CNKSR1: variants seen among roughly 807,000 people sequenced by gnomAD.
The protein encoded by CNKSR1 is connector enhancer of kinase suppressor of Ras 1.
A neutral mutation model predicts 95.6 loss-of-function variants in CNKSR1; 88 were observed. The ratio of observed to expected loss-of-function variants is 0.92; its 90% CI spans 0.78 to 1.10. The LOEUF is 1.10. Among genes scored for constraint, CNKSR1 ranks in the 50% least tolerant of loss-of-function variants. The probability of loss-of-function intolerance (pLI) is 0.00; values close to 1 mark genes in which losing one functional copy is unlikely to be tolerated. For synonymous variants in CNKSR1, 355 were observed against 369.7 expected, an observed-to-expected ratio of 0.96 and a Z score of 0.46; for missense variants, 836 against 912.0, an observed-to-expected ratio of 0.92 and a Z score of 1.07.
At chr1:26,187,804 G>A (rs939527558) in intron 16 of CNKSR1, among the ~76,000 whole-genome samples, 1 of 151,760 alleles carries the variant, frequency 6.6e-6, no homozygotes. Flanking sequence ...TGTATTTTTA[G>A]TAGAGAGGGG....
chr1:26,188,510 G>T lies in CNKSR1; in HGVS notation c.1590+7G>T, dbSNP rs368318144. 115 of 1,602,416 alleles carry T rather than the reference G, an allele frequency of 7.2e-5. No homozygotes were observed. In the African/African-American group the frequency reaches 8.5e-4, roughly 12 times the overall value. ...TGGGTCCCACTCAGCCTCGGTGAGT[G>T]GGGGGCTGCCGGGGGTAGGAGGTGG... On this transcript the variant is annotated splice_region_variant and intron_variant, in intron 18 of 20. Coordinates refer to ENST00000361530, the MANE Select transcript of CNKSR1 (RefSeq NM_006314.3).
chr1:26,179,544 AG>A (rs1313180491), intron 1 of CNKSR1, among the ~76,000 whole-genome samples: 3 of 152,198 alleles, frequency 2.0e-5, no homozygotes, highest in African/African-American at 7.2e-5. Flanking sequence ...CTAATCATAC[AG>A]GGCCTGTAGG....
Position 26,185,139 on chromosome 1 carries a change from T to C in CNKSR1, c.1261T>C (p.Trp421Arg). The C allele has an allele frequency of 1.3e-6, 2 of 1,575,472 alleles. No homozygotes were observed. The highest frequency in any genetic ancestry group is 4.7e-5 in the East Asian group (2 of 42,978). The change falls in exon 14 of 21, where the codon TGG becomes CGG. Residue 421 changes from tryptophan (W) to arginine (R), a missense_variant. Trp to Arg is a moderately radical substitution (Grantham distance 101). Transcript: ENST00000361530. ...CATGGGCCCGCGCTGGCGCCGCCGCTGGTTTGTGCTCAAGGGACACACGCT... is the reference window on the plus strand; with the variant it reads ...CATGGGCCCGCGCTGGCGCCGCCGCCGGTTTGTGCTCAAGGGACACACGCT... ...GFMGPRWRRR[W>R]FVLKGHTLYW...
rs773112396 is a variant in CNKSR1, at chr1:26,184,285, C to T, written c.998C>T (p.Thr333Ile). The change falls in exon 11 of 21, where the codon ACA becomes ATA. Residue 333 changes from threonine to isoleucine, a missense_variant and splice_region_variant. Coordinates refer to ENST00000361530, the MANE Select transcript of CNKSR1 (RefSeq NM_006314.3). ...NPSPGPSPAW[T>I]DSASLGPEPL... ...AGTCCCGGACCCAGCCCTGCCTGGA[C>T]AGGTAGTCTCAAAGCTCCATGGATG... 3.7e-6 allele frequency: 6 copies of T among 1,613,720 alleles called. No individual in the cohort carries two copies. Among genetic ancestry groups the T allele is most frequent in the Admixed American group, 3.3e-5 (2 of 60,000 alleles).
rs141954763 is a variant in CNKSR1, at chr1:26,185,840, C to T, written c.1308+654C>T. ...GCCACCACATCTGGCCGAAAAATCACGTCTATTCTGCCCACTTCTCCTTAT... is the reference window on the plus strand; with the variant it reads ...GCCACCACATCTGGCCGAAAAATCATGTCTATTCTGCCCACTTCTCCTTAT... On this transcript the variant is annotated intron_variant, in intron 14 of 20. Transcript: ENST00000361530. Among the ~76,000 whole-genome samples the T allele has an allele frequency of 2.0e-3, 298 of 152,296 alleles. 1 individual carries two copies. The highest frequency in any genetic ancestry group is 0.014 in the Middle Eastern group (4 of 294).
chr1:26,187,771 T>C (rs1278976374), intron 16 of CNKSR1, among the ~76,000 whole-genome samples: 3 of 151,676 alleles, frequency 2.0e-5, no homozygotes, highest in African/African-American at 7.3e-5. Context: ...TACAGGTGCC[T>C]ACCACCATAC....
chr1:26,186,931 C>A, intron 14 of CNKSR1: 1 of 398,340 alleles, frequency 2.5e-6, no homozygotes, highest in Non-Finnish European at 4.6e-6. Context: ...TTTTTTTTGG[C>A]TGTTTCTCTG....
rs144003792 is a variant in CNKSR1, at chr1:26,183,808, C to T, written c.833C>T (p.Pro278Leu). 119 of 1,611,632 alleles carry T rather than the reference C, an allele frequency of 7.4e-5. 1 individual carries two copies. In the African/African-American group the frequency reaches 1.1e-3, roughly 15 times the overall value. The change falls in exon 9 of 21, where the codon CCG becomes CTG. Residue 278 changes from proline (P) to leucine (L), a missense_variant. Physicochemically the swap from Pro to Leu is moderately conservative, Grantham distance 98. Coordinates refer to ENST00000361530, the MANE Select transcript of CNKSR1 (RefSeq NM_006314.3). ...AGLSLVLKKIPIPETPPQTPP... is the reference protein window; with the variant it reads ...AGLSLVLKKILIPETPPQTPP... ...CTCAGCTTAGTGCTGAAGAAGATCC[C>T]GATACCGGAGACCCCCCCACAGGTA...
At chr1:26,178,738 C>T (rs2088600104) in intron 1 of CNKSR1, among the ~76,000 whole-genome samples, 1 of 152,220 alleles carries the variant, frequency 6.6e-6, no homozygotes, top group African/African-American at 2.4e-5. Context: ...GCAACTCTGA[C>T]CTTATGAAGT....
intron 11 of CNKSR1, 52 bp from the exon 12 acceptor site, chr1:26,184,349 A>G (rs557328646): frequency 1.9e-6 from 3 of 1,603,172 alleles, no homozygotes; most frequent in African/African-American, 1.3e-5. Context: ...TCTGACCCCA[A>G]GCCTGGGACT....
At position 26,189,383 on chromosome 1, in the gene CNKSR1, A is replaced by T; in HGVS notation, c.1977A>T (p.Ser659=). Residue 659 remains serine, a synonymous_variant, in exon 21 of 21, where the codon TCA becomes TCT. Coordinates refer to ENST00000361530, the MANE Select transcript of CNKSR1 (RefSeq NM_006314.3). ...QWKEQNRELY[S]EGLGAWGVAQ... Reference sequence around the variant, plus strand: ...AGGAGCAGAACCGGGAGCTGTACTCAGAGGGCCTGGGGGCCTGGGGAGTGG... The same window carrying T: ...AGGAGCAGAACCGGGAGCTGTACTCTGAGGGCCTGGGGGCCTGGGGAGTGG... 6.2e-7 allele frequency: 1 copy of T among 1,614,002 alleles called. No individual in the cohort carries two copies. Among genetic ancestry groups the T allele is most frequent in the Non-Finnish European group, 8.5e-7 (1 of 1,179,854 alleles).
chr1:26,184,273 GC>G lies in CNKSR1; in HGVS notation c.989del (p.Pro330LeufsTer28). ...DLSSNPSPGP[S>X]PAWTDSASLG... ...TCTTCAAACCCCAGTCCCGGACCCA[GC>G]CCTGCCTGGACAGGTAGTCTCAAAG... On this transcript the variant is annotated frameshift_variant, in exon 11 of 21. Coordinates refer to ENST00000361530, the MANE Select transcript of CNKSR1 (RefSeq NM_006314.3). LOFTEE classifies it high-confidence loss of function. 1.2e-6 allele frequency: 2 copies of G among 1,613,786 alleles called. No homozygotes were observed. Among genetic ancestry groups the G allele is most frequent in the Non-Finnish European group, 1.7e-6 (2 of 1,179,942 alleles).
intron 14 of CNKSR1, among the ~76,000 whole-genome samples, 180 bp downstream of exon 14, chr1:26,185,366 G>T (rs1218563225): frequency 6.6e-6 from 1 of 151,372 alleles, no homozygotes; most frequent in African/African-American, 2.4e-5. Context: ...TTTGGAAAAG[G>T]TATCATAGGA....
rs755132979 is a variant in CNKSR1, at chr1:26,183,353, C to A, written c.692C>A (p.Thr231Asn). 1.5e-5 allele frequency: 24 copies of A among 1,614,210 alleles called. No homozygotes were observed. The highest frequency in any genetic ancestry group is 1.9e-5 in the Non-Finnish European group (23 of 1,180,028). The change falls in exon 8 of 21, where the codon ACT (threonine) becomes AAT (asparagine). Residue 231 changes from threonine (T) to asparagine (N), a missense_variant. Physicochemically the swap from Thr to Asn is moderately conservative, Grantham distance 65. Coordinates refer to ENST00000361530, the MANE Select transcript of CNKSR1 (RefSeq NM_006314.3). ...FVSQVDTQVP[T>N]DSRLQIQPGD... The stretch of plus-strand genomic sequence containing the variant: ...CCCCATTCCCCACGTCAGGTTCCCA[C>A]TGACTCCCGACTGCAGATCCAGCCT...
chr1:26,187,536 G>A, intron 16 of CNKSR1, 54 bp downstream of exon 16: 1 of 1,581,950 alleles, frequency 6.3e-7, no homozygotes, highest in Non-Finnish European at 8.7e-7. Flanking sequence ...AACTCTGTGA[G>A]CTTGGGAGCC....
In CNKSR1 at chr1:26,187,481, A is replaced by G. The variant is rs1361111974; in HGVS notation, c.1453A>G (p.Met485Val). 6 of 1,614,036 alleles carry G rather than the reference A, an allele frequency of 3.7e-6. No homozygotes were observed. The East Asian group carries it at 1.1e-4, about 30-fold the overall frequency. Residue 485 changes from methionine (M) to valine (V), a missense_variant and splice_region_variant, in exon 16 of 21, where the codon ATG becomes GTG. Met to Val is a conservative substitution (Grantham distance 21). Coordinates refer to ENST00000361530, the MANE Select transcript of CNKSR1 (RefSeq NM_006314.3). ...FAADTLTDLS[M>V]WVRHLITCIS... Reference sequence around the variant, plus strand: ...TGCTGATACCCTGACAGATCTGAGCATGTGAGTGCCGCCTCCCTTAGCCCC... The same window carrying G: ...TGCTGATACCCTGACAGATCTGAGCGTGTGAGTGCCGCCTCCCTTAGCCCC...
At chr1:26,178,987 G>A (rs560732795) in intron 1 of CNKSR1, among the ~76,000 whole-genome samples, 251 of 152,328 alleles carry the variant, frequency 1.6e-3, no homozygotes, top group African/African-American at 5.1e-3. Flanking sequence ...CCTTCGAAGA[G>A]TGAGCAAGCT....
chr1:26,185,558 T>A (rs2124513895), intron 14 of CNKSR1, among the ~76,000 whole-genome samples: 1 of 151,968 alleles, frequency 6.6e-6, no homozygotes, highest in South Asian at 2.1e-4. Context: ...ACGCCCAGCA[T>A]ATTTTTTGTG....
rs746505263 is a variant in CNKSR1 at position 26,188,520 on chromosome 1, C to T, written c.1590+17C>T. ...TCAGCCTCGGTGAGTGGGGGGCTGC[C>T]GGGGGTAGGAGGTGGGGATAAACAA... On this transcript the variant is annotated intron_variant, in intron 18 of 20. Coordinates refer to ENST00000361530, the MANE Select transcript of CNKSR1 (RefSeq NM_006314.3). The T allele has an allele frequency of 1.0e-5, 16 of 1,602,628 alleles. No individual in the cohort carries two copies. The highest frequency in any genetic ancestry group is 1.7e-4 in the Middle Eastern group (1 of 6,046).
Sources: gnomAD v4.1 joint callset for allele counts (sites outside exome capture counted in the v4.1 genomes callset) on GRCh38, gnomAD v4.1.1 for gene constraint, MANE v1.5 for transcripts, NCBI Gene and HGNC (gene_info 2026-07-23, HGNC 2026-07-21) for gene names.